HOOK1: variants seen among roughly 807,000 people sequenced by gnomAD.
The protein encoded by HOOK1 is protein Hook homolog 1.
A neutral mutation model predicts 112.8 loss-of-function variants in HOOK1; 60 were observed. The observed-to-expected ratio is 0.53, with a 90% CI of 0.43 to 0.66. The LOEUF (loss-of-function observed/expected upper bound fraction) is 0.66, where lower values mean the gene tolerates loss of function less well. Ranked by LOEUF, HOOK1 falls within the 30% of genes least tolerant of loss-of-function variation. The pLI is 0.00. For missense variants in HOOK1, 770 were observed against 856.0 expected (o/e 0.90, Z 1.25); for synonymous variants, 294 against 283.8 (o/e 1.04, Z -0.36).
Position 59,871,051 on chromosome 1 carries a change from A to G in HOOK1, c.1957A>G (p.Lys653Glu), listed in dbSNP as rs528843320. ...RRIEILESEC[K>E]VAKFRDYEEK... Reference sequence around the variant, plus strand: ...CATATCTTTTTTCCAGAGTGAATGCAAAGTAGCAAAATTCCGTGATTATGA... The same window carrying G: ...CATATCTTTTTTCCAGAGTGAATGCGAAGTAGCAAAATTCCGTGATTATGA... The change falls in exon 21 of 22, where the codon AAA becomes GAA. Residue 653 changes from lysine to glutamate, a missense_variant. Lys to Glu is a moderately conservative substitution (Grantham distance 56). Around this residue, in one of 3 missense-constraint regions of HOOK1, gnomAD observed 111 missense variants for 111.8 expected, o/e 0.99. Transcript: ENST00000371208. 2 of 1,608,104 alleles carry G rather than the reference A, an allele frequency of 1.2e-6. No individual in the cohort carries two copies. The highest frequency in any genetic ancestry group is 1.7e-5 in the Admixed American group (1 of 59,988).
rs1424784097 is a variant in HOOK1 at position 59,852,533 on chromosome 1, GT to G, written c.1242+3362del. 9.0e-4 allele frequency among the ~76,000 whole-genome samples: 120 copies of G among 133,408 alleles called. 1 individual carries two copies. The highest frequency in any genetic ancestry group is 2.9e-3 in the East Asian group (13 of 4,516). 87.5% of individuals were successfully genotyped at this position (133,408 alleles called of 152,430 possible). On this transcript the variant is annotated intron_variant, in intron 12 of 21. Transcript: ENST00000371208. Reference sequence around the variant, plus strand: ...TGATTTTTGTAATTTGAATTTCTCTGTTTTTTTTTTTTCTTGGTTAGTTTAG... The same window carrying G: ...TGATTTTTGTAATTTGAATTTCTCTGTTTTTTTTTTTCTTGGTTAGTTTAG...
At position 59,843,423 on chromosome 1, in the gene HOOK1, G is replaced by C. The variant is rs1305079284; in HGVS notation, c.622-9G>C. The C allele has an allele frequency of 1.3e-6, 2 of 1,591,496 alleles. No homozygotes were observed. Among genetic ancestry groups the C allele is most frequent in the African/African-American group, 1.4e-5 (1 of 73,088 alleles). ...TACTGGTGCTTATGTATGTGTATTT[G>C]TTTCTTAGGTGACTACACTTCAAGA... is the stretch of plus-strand genomic sequence containing the variant. On this transcript the variant is annotated splice_polypyrimidine_tract_variant and intron_variant, in intron 8 of 21. Coordinates refer to ENST00000371208, the MANE Select transcript of HOOK1 (RefSeq NM_015888.6).
chr1:59,861,920 C>A (rs2098413816), intron 15 of HOOK1, among the ~76,000 whole-genome samples: 2 of 152,072 alleles, frequency 1.3e-5, no homozygotes, highest in Non-Finnish European at 2.9e-5. Flanking sequence ...TCTAAAGAGA[C>A]CATTAAATAT....
chr1:59,862,190 A>G (rs1324370388), intron 15 of HOOK1, among the ~76,000 whole-genome samples: 2 of 152,184 alleles, frequency 1.3e-5, no homozygotes, highest in African/African-American at 4.8e-5. Flanking sequence ...ATATTATAGC[A>G]GGCAGGTGAG....
Position 59,846,592 on chromosome 1 carries a change from TCCTC to T in HOOK1, c.789-436_789-433del, listed in dbSNP as rs1553462817. 2.8e-4 allele frequency among the ~76,000 whole-genome samples: 12 copies of T among 43,362 alleles called. 1 individual carries two copies. Among genetic ancestry groups the T allele is most frequent in the Admixed American group, 1.8e-3 (7 of 3,842 alleles). 28.4% of individuals were successfully genotyped at this position (43,362 alleles called of 152,430 possible). A position where few individuals can be genotyped will look rare whatever the true frequency, so the allele number is the denominator to read the frequency against. ...CTTCCTTCCTTCCTTCCTTCCTCCC[TCCTC>T]CCTCCCTCCCTCCCTCTCTCTCTCT... On this transcript the variant is annotated intron_variant, in intron 9 of 21. Transcript: ENST00000371208.
In HOOK1 at chr1:59,875,066, A is replaced by C. The variant is rs1446441017; in HGVS notation, c.*2101A>C. 6.6e-6 allele frequency: 1 copy of C among 152,584 alleles called. No individual in the cohort carries two copies. Among genetic ancestry groups the C allele is most frequent in the South Asian group, 2.1e-4 (1 of 4,830 alleles). 9.5% of individuals were successfully genotyped at this position (152,584 alleles called of 1,614,324 possible). A position where few individuals can be genotyped will look rare whatever the true frequency, so the allele number is the denominator to read the frequency against. ...TTAGCATGGTATTTAACATTTTCTA[A>C]ATATTATGGCATTTTGACATATTTT... On this transcript the variant is annotated 3_prime_UTR_variant, in exon 22 of 22. Transcript: ENST00000371208.
At chr1:59,864,489 T>G in intron 16 of HOOK1, 143 bp from the exon 17 acceptor site, 3 of 553,134 alleles carry the variant, frequency 5.4e-6, no homozygotes, top group Non-Finnish European at 9.7e-6. Context: ...CTTCTTAAAG[T>G]GTGTTATTGG....
intron 20 of HOOK1, chr1:59,870,740 T>C (rs941139468): frequency 1.0e-5 from 2 of 200,814 alleles, no homozygotes; most frequent in African/African-American, 4.7e-5. Flanking sequence ...CTCGTTACTT[T>C]TTTCTCTAGA....
In HOOK1 at chr1:59,836,988, T is replaced by A; in HGVS notation, c.537+53T>A. On this transcript the variant is annotated intron_variant, in intron 7 of 21. Coordinates refer to ENST00000371208, the MANE Select transcript of HOOK1 (RefSeq NM_015888.6). Reference sequence around the variant, plus strand: ...GTTGAAAGCAATGTTAGGGTTTCTTTGCCAATTACTCTCATAAGGCTTACA... The same window carrying A: ...GTTGAAAGCAATGTTAGGGTTTCTTAGCCAATTACTCTCATAAGGCTTACA... 4.6e-6 allele frequency: 5 copies of A among 1,092,422 alleles called. No individual in the cohort carries two copies. The South Asian group carries it at 6.9e-5, about 15-fold the overall frequency. The allele number at this position is 1,092,422 out of a possible 1,614,324, so 67.7% of individuals were successfully genotyped here.
At chr1:59,871,205 T>C (rs1644050589) in intron 21 of HOOK1, 95 bp downstream of exon 21, 1 of 770,630 alleles carries the variant, frequency 1.3e-6, no homozygotes, top group Non-Finnish European at 2.2e-6. Flanking sequence ...TTTTATCTTA[T>C]ACCATAAACC....
Position 59,874,410 on chromosome 1 carries a change from A to G in HOOK1, c.*1445A>G, listed in dbSNP as rs1351612001. 3 of 152,250 alleles carry G rather than the reference A, an allele frequency of 2.0e-5. No individual in the cohort carries two copies. Among genetic ancestry groups the G allele is most frequent in the Non-Finnish European group, 4.4e-5 (3 of 68,032 alleles). The allele number at this position is 152,250 out of a possible 1,614,324, so 9.4% of individuals were successfully genotyped here. ...ATAATTAGCATCTTACATTCCATAC[A>G]GTTGAATACCTTATGCTGTGACAAC... On this transcript the variant is annotated 3_prime_UTR_variant, in exon 22 of 22. Transcript: ENST00000371208.
intron 1 of HOOK1, among the ~76,000 whole-genome samples, chr1:59,815,962 A>G (rs2098381108): frequency 6.6e-6 from 1 of 152,204 alleles, no homozygotes; most frequent in Admixed American, 6.5e-5. Flanking sequence ...CCAGTCAGCA[A>G]AATGACATCC....
chr1:59,818,619 A>ACCTT (rs1388383801), intron 1 of HOOK1, among the ~76,000 whole-genome samples: 1 of 152,216 alleles, frequency 6.6e-6, no homozygotes, highest in Non-Finnish European at 1.5e-5. Flanking sequence ...ATATCTTTGG[A>ACCTT]CCTTACTTTC....
intron 12 of HOOK1, among the ~76,000 whole-genome samples, chr1:59,853,451 A>G (rs2098408328): frequency 6.6e-6 from 1 of 151,118 alleles, no homozygotes; most frequent in African/African-American, 2.4e-5. Context: ...CATTTTTTTC[A>G]CCCTTTTATT....
intron 9 of HOOK1, among the ~76,000 whole-genome samples, chr1:59,844,715 A>G (rs1342546717): frequency 6.6e-6 from 1 of 151,960 alleles, no homozygotes; most frequent in Non-Finnish European, 1.5e-5. Context: ...AGTCTCATTT[A>G]TTTAAATATT....
chr1:59,835,250 T>C lies in HOOK1; in HGVS notation c.407-95T>C, dbSNP rs1211217623. 3 of 730,228 alleles carry C rather than the reference T, an allele frequency of 4.1e-6. No homozygotes were observed. In the African/African-American group the frequency reaches 5.4e-5, roughly 13 times the overall value. 45.2% of individuals were successfully genotyped at this position (730,228 alleles called of 1,614,324 possible). A position where few individuals can be genotyped will look rare whatever the true frequency, so the allele number is the denominator to read the frequency against. On this transcript the variant is annotated intron_variant, in intron 5 of 21. Coordinates refer to ENST00000371208, the MANE Select transcript of HOOK1 (RefSeq NM_015888.6). ...ATGTATTTACATAAAGGATTATCTG[T>C]GGGTAGATGAATTTTTATAGTCTAT...
chr1:59,846,543 CT>C, intron 9 of HOOK1, among the ~76,000 whole-genome samples: 1 of 29,448 alleles, frequency 3.4e-5, no homozygotes, highest in African/African-American at 1.6e-4. Flanking sequence ...TCCTTCCTTC[CT>C]TCCTTCCTTC....
chr1:59,832,324 A>G, intron 4 of HOOK1, 111 bp downstream of exon 4: 1 of 664,862 alleles, frequency 1.5e-6, no homozygotes, highest in Non-Finnish European at 2.6e-6. Flanking sequence ...AATGTAAGTC[A>G]TAATTAGAAC....
intron 2 of HOOK1, among the ~76,000 whole-genome samples, chr1:59,827,725 C>T (rs951183158): frequency 2.6e-5 from 4 of 151,066 alleles, no homozygotes; most frequent in Non-Finnish European, 4.4e-5. Context: ...GTAGTGAAGC[C>T]ATTTTTTTTT....
Sources: gnomAD v4.1 joint callset for allele counts (sites outside exome capture counted in the v4.1 genomes callset) on GRCh38, gnomAD v4.1.1 for gene constraint, gnomAD v4.1.1 regional missense constraint, MANE v1.5 for transcripts, NCBI Gene and HGNC (gene_info 2026-07-23, HGNC 2026-07-21) for gene names.